Variants in ARHGAP30 observed in about 807,000 individuals in gnomAD.
ARHGAP30 encodes rho GTPase-activating protein 30.
Under a neutral mutation model 72.0 loss-of-function variants are expected in ARHGAP30, and 23 were observed. The ratio of observed to expected loss-of-function variants is 0.32; its 90% CI spans 0.23 to 0.45. The LOEUF (loss-of-function observed/expected upper bound fraction) is 0.45. Ranked by LOEUF, ARHGAP30 falls within the 20% of genes least tolerant of loss-of-function variation. ARHGAP30 has a pLI of 1.00. For missense variants in ARHGAP30, 1,319 were observed against 1,383.4 expected (o/e 0.95, Z 0.74); for synonymous variants, 576 against 528.2 (o/e 1.09, Z -1.24).
chr1:161,052,104 T>C (rs1193758626), intron 9 of ARHGAP30, among the ~76,000 whole-genome samples, 182 bp downstream of exon 9: 1 of 149,854 alleles, frequency 6.7e-6, no homozygotes, highest in East Asian at 2.0e-4. Context: ...ATCAACAAAG[T>C]CATAGATTAG....
chr1:161,069,438 G>A lies in ARHGAP30; in HGVS notation c.97+90C>T, dbSNP rs920805636. 1.4e-4 allele frequency: 187 copies of A among 1,362,620 alleles called. 2 individuals carry two copies. Among genetic ancestry groups the A allele is most frequent in the South Asian group, 1.2e-3 (100 of 83,824 alleles). 84.4% of individuals were successfully genotyped at this position (1,362,620 alleles called of 1,614,324 possible). On this transcript the variant is annotated intron_variant, in intron 1 of 11. Transcript: ENST00000368013. The surrounding 1 kb of genome is among the most constrained non-coding windows in gnomAD (Gnocchi z 4.9). ...CCACTGCCCCTTCCCCAGGAGCACC[G>A]GAAACTGCTTCTGCCCTTCAGGCTG... is the stretch of plus-strand genomic sequence containing the variant.
intron 1 of ARHGAP30, among the ~76,000 whole-genome samples, chr1:161,068,913 A>T (rs967115502): frequency 4.6e-5 from 7 of 151,654 alleles, no homozygotes; most frequent in African/African-American, 9.7e-5. Context: ...CTTGCCCCCC[A>T]CTTTGAACCT....
At chr1:161,053,232 A>G (rs1651550986) in intron 6 of ARHGAP30, 26 bp downstream of exon 6, 1 of 1,612,902 alleles carries the variant, frequency 6.2e-7, no homozygotes, top group Non-Finnish European at 8.5e-7. Flanking sequence ...ACAGTGGGAT[A>G]TGTGGAGGGC....
chr1:161,064,831 G>GAA (rs1231950263), intron 1 of ARHGAP30, among the ~76,000 whole-genome samples: 9,866 of 72,462 alleles, frequency 0.14, 472 homozygotes, highest in African/African-American at 0.18. Context: ...AAGAAAGAAA[G>GAA]AGAAAGAAAG....
chr1:161,049,796 G>C, intron 10 of ARHGAP30, 107 bp from the exon 11 acceptor site: 1 of 1,409,930 alleles, frequency 7.1e-7, no homozygotes, highest in Non-Finnish European at 9.6e-7. Context: ...TCCCAGCATT[G>C]CTACTCTGCA....
Position 161,047,596 on chromosome 1 carries a change from G to T in ARHGAP30, c.*119C>A. 1.8e-6 allele frequency: 2 copies of T among 1,133,814 alleles called. No homozygotes were observed. Among genetic ancestry groups the T allele is most frequent in the Non-Finnish European group, 2.4e-6 (2 of 839,282 alleles). 70.2% of individuals were successfully genotyped at this position (1,133,814 alleles called of 1,614,324 possible). A position where few individuals can be genotyped will look rare whatever the true frequency, so the allele number is the denominator to read the frequency against. On this transcript the variant is annotated 3_prime_UTR_variant, in exon 12 of 12. Coordinates refer to ENST00000368013, the MANE Select transcript of ARHGAP30 (RefSeq NM_001025598.2). ...CACAGTCAAAGAGAGAAGCTGGAGG[G>T]CCAAAGCCTATAGAGTTGGGCACTA... is the stretch of plus-strand genomic sequence containing the variant.
chr1:161,052,253 CACAT>C, intron 9 of ARHGAP30, 29 bp downstream of exon 9: 1 of 1,612,032 alleles, frequency 6.2e-7, no homozygotes, highest in Non-Finnish European at 8.5e-7. Context: ...ATAGCACACA[CACAT>C]ACACACAGAA....
In ARHGAP30 at chr1:161,049,339, A is replaced by G. The variant is rs1453643748; in HGVS notation, c.1687-5T>C. The G allele has an allele frequency of 6.2e-7, 1 of 1,611,186 alleles. No individual in the cohort carries two copies. The highest frequency in any genetic ancestry group is 8.5e-7 in the Non-Finnish European group (1 of 1,178,370). On this transcript the variant is annotated splice_region_variant and splice_polypyrimidine_tract_variant and intron_variant, in intron 11 of 11. Coordinates refer to ENST00000368013, the MANE Select transcript of ARHGAP30 (RefSeq NM_001025598.2). ...CTCCACAGAGAACTCCTCCACCTGTAGGCACAGCATTGTGACTCAGGACCA... is the reference window on the plus strand; with the variant it reads ...CTCCACAGAGAACTCCTCCACCTGTGGGCACAGCATTGTGACTCAGGACCA...
At chr1:161,065,866 C>T (rs932868568) in intron 1 of ARHGAP30, among the ~76,000 whole-genome samples, 8 of 138,738 alleles carry the variant, frequency 5.8e-5, no homozygotes, top group African/African-American at 1.9e-4. Context: ...TGCACCCGGC[C>T]CCTTATTTAT....
rs1267527388 is a variant in ARHGAP30 at position 161,053,066 on chromosome 1, A to G, written c.664+192T>C. 4.3e-6 allele frequency: 4 copies of G among 936,042 alleles called. 1 individual carries two copies. The highest frequency in any genetic ancestry group is 3.5e-5 in the South Asian group (2 of 57,246). The allele number at this position is 936,042 out of a possible 1,614,324, so 58.0% of individuals were successfully genotyped here. A position where few individuals can be genotyped will look rare whatever the true frequency, so the allele number is the denominator to read the frequency against. Reference sequence around the variant, plus strand: ...AGGATGGTGACTCAGAGGTCAAGCCATGCCCTAGACTGACAGCAGAAGAAG... The same window carrying G: ...AGGATGGTGACTCAGAGGTCAAGCCGTGCCCTAGACTGACAGCAGAAGAAG... On this transcript the variant is annotated intron_variant, in intron 6 of 11. Coordinates refer to ENST00000368013, the MANE Select transcript of ARHGAP30 (RefSeq NM_001025598.2).
intron 1 of ARHGAP30, among the ~76,000 whole-genome samples, chr1:161,066,812 T>C (rs1298381321): frequency 6.6e-6 from 1 of 152,104 alleles, no homozygotes; most frequent in East Asian, 1.9e-4. Context: ...TTTTCTAGGA[T>C]CCCACTGACC....
chr1:161,051,658 C>A lies in ARHGAP30; in HGVS notation c.1076G>T (p.Ser359Ile), dbSNP rs758468847. Residue 359 changes from serine (S) to isoleucine (I), a missense_variant, in exon 10 of 12, where the codon AGC becomes ATC. Ser to Ile is a moderately radical substitution (Grantham distance 142). This residue lies in a region of ARHGAP30 where 1,097 missense variants were observed against 1,045.2 expected (regional missense o/e 1.05). Coordinates refer to ENST00000368013, the MANE Select transcript of ARHGAP30 (RefSeq NM_001025598.2). ...TGCCTCTATAGAATCGTTCTCCAAG[C>A]TCTCAGGCAGCAATGGGCTTGGCCG... Reference protein sequence around the residue: ...SPRPSPLLPESLENDSIEAAE... With the variant: ...SPRPSPLLPEILENDSIEAAE... 1.2e-6 allele frequency: 2 copies of A among 1,612,804 alleles called. No homozygotes were observed. The highest frequency in any genetic ancestry group is 1.7e-6 in the Non-Finnish European group (2 of 1,180,004).
chr1:161,061,445 G>T (rs923346970), intron 1 of ARHGAP30, among the ~76,000 whole-genome samples: 2 of 152,086 alleles, frequency 1.3e-5, no homozygotes, highest in South Asian at 4.1e-4. Context: ...GAGCCACCGC[G>T]CCTGACCTGC....
rs34136308 is a variant in ARHGAP30 at position 161,050,295 on chromosome 1, C to CTTT, written c.1421-609_1421-607dup. On this transcript the variant is annotated intron_variant, in intron 10 of 11. Transcript: ENST00000368013. ...AATCCTGCAATCACAGCACTTGGAC[C>CTTT]TTTTTTTTTTTTTTTTTTTTTGAGA... Among the ~76,000 whole-genome samples, 59 of 118,620 alleles carry CTTT rather than the reference C, an allele frequency of 5.0e-4. 1 individual carries two copies. Among genetic ancestry groups the CTTT allele is most frequent in the Non-Finnish European group, 6.2e-4 (35 of 56,692 alleles). The allele number at this position is 118,620 out of a possible 152,430, so 77.8% of individuals were successfully genotyped here.
rs377114513 is a variant in ARHGAP30, at chr1:161,047,691, C to G, written c.*24G>C. On this transcript the variant is annotated 3_prime_UTR_variant, in exon 12 of 12. Coordinates refer to ENST00000368013, the MANE Select transcript of ARHGAP30 (RefSeq NM_001025598.2). ...AGATTCAAGACAACTTGCTGGTCCC[C>G]TTTGCCCAGGGCTGTGGTCCTAATC... 6.7e-7 allele frequency: 1 copy of G among 1,501,352 alleles called. No individual in the cohort carries two copies. Among genetic ancestry groups the G allele is most frequent in the East Asian group, 2.3e-5 (1 of 43,200 alleles). 93.0% of individuals were successfully genotyped at this position (1,501,352 alleles called of 1,614,324 possible).
rs756296701 is a variant in ARHGAP30, at chr1:161,052,323, G to A, written c.981C>T (p.Ser327=). ...CAGCTGCAGCACTCAGTGAGTCCAT[G>A]CTTTTGGCTGGCCGCAGTGTCCCCT... ...SNKGTLRPAK[S]MDSLSAAAGA... is the part of the protein sequence containing the mutation. The change falls in exon 9 of 12, where the codon AGC becomes AGT. Residue 327 remains serine (S), a synonymous_variant. Transcript: ENST00000368013. The A allele has an allele frequency of 6.2e-7, 1 of 1,613,970 alleles. No homozygotes were observed. The highest frequency in any genetic ancestry group is 8.5e-7 in the Non-Finnish European group (1 of 1,180,024).
intron 10 of ARHGAP30, among the ~76,000 whole-genome samples, chr1:161,050,612 C>T (rs1571074147): frequency 6.6e-6 from 1 of 150,670 alleles, no homozygotes; most frequent in South Asian, 2.1e-4. Flanking sequence ...CCTGGCCTAG[C>T]ACTTGGTACT....
At chr1:161,057,808 A>G (rs967670395) in intron 2 of ARHGAP30, among the ~76,000 whole-genome samples, 1 of 152,168 alleles carries the variant, frequency 6.6e-6, no homozygotes, top group African/African-American at 2.4e-5. Flanking sequence ...TGAGGTCTGG[A>G]GTTCGAGACC....
intron 9 of ARHGAP30, 61 bp downstream of exon 9, chr1:161,052,225 C>G: frequency 6.3e-7 from 1 of 1,584,812 alleles, no homozygotes; most frequent in South Asian, 1.1e-5. Flanking sequence ...CATGTACACA[C>G]AAGCCCACGC....
Sources: gnomAD v4.1 joint callset for allele counts (sites outside exome capture counted in the v4.1 genomes callset) on GRCh38, gnomAD v4.1.1 for gene constraint, gnomAD v4.1.1 regional missense constraint, Gnocchi (gnomAD v3.1) non-coding constraint, MANE v1.5 for transcripts, NCBI Gene and HGNC (gene_info 2026-07-23, HGNC 2026-07-21) for gene names.